Variants in PLAG1 observed in about 807,000 individuals in gnomAD.
PLAG1 encodes the protein zinc finger protein PLAG1.
A neutral mutation model predicts 35.5 loss-of-function variants in PLAG1; 7 were observed. The ratio of observed to expected loss-of-function variants is 0.20; its 90% CI spans 0.11 to 0.37. PLAG1 has a LOEUF of 0.37. Ranked by LOEUF, PLAG1 falls within the 10% of genes least tolerant of loss-of-function variation. The pLI is 1.00. For synonymous variants in PLAG1, 229 were observed against 225.4 expected (o/e 1.02, Z -0.14); for missense variants, 454 against 602.8 (o/e 0.75, Z 2.58).
At chr8:56,171,824 T>C (rs1301974889) in intron 2 of PLAG1, among the ~76,000 whole-genome samples, 1 of 152,206 alleles carries the variant, frequency 6.6e-6, no homozygotes, top group East Asian at 1.9e-4. Context: ...AAAGGGGTGT[T>C]AGGAAGAGAG....
intron 1 of PLAG1, among the ~76,000 whole-genome samples, chr8:56,196,867 T>C (rs898414098): frequency 1.3e-5 from 2 of 152,058 alleles, no homozygotes; most frequent in Non-Finnish European, 2.9e-5. Flanking sequence ...TGCATGTGTG[T>C]GCACACATGT....
Position 56,168,329 on chromosome 8 carries a change from A to T in PLAG1, c.-60T>A. 1.3e-6 allele frequency: 2 copies of T among 1,499,520 alleles called. No individual in the cohort carries two copies. Among genetic ancestry groups the T allele is most frequent in the Non-Finnish European group, 1.8e-6 (2 of 1,120,922 alleles). 92.9% of individuals were successfully genotyped at this position (1,499,520 alleles called of 1,614,324 possible). ...GGGAACTGCCCAACTCCACTAAATG[A>T]TATAGCTTTAGGTGGCTTCTCAAGT... On this transcript the variant is annotated 5_prime_UTR_variant, in exon 4 of 5. Coordinates refer to ENST00000316981, the MANE Select transcript of PLAG1 (RefSeq NM_002655.3).
chr8:56,167,653 T>C lies in PLAG1; in HGVS notation c.243-150A>G. 1.6e-6 allele frequency: 1 copy of C among 626,572 alleles called. No individual in the cohort carries two copies. Among genetic ancestry groups the C allele is most frequent in the South Asian group, 2.1e-5 (1 of 47,168 alleles). 38.8% of individuals were successfully genotyped at this position (626,572 alleles called of 1,614,324 possible). Reference sequence around the variant, plus strand: ...TAATATATACCACGAGGATAGTTAATATACCTAATTACTGCAAAACTTGAG... The same window carrying C: ...TAATATATACCACGAGGATAGTTAACATACCTAATTACTGCAAAACTTGAG... On this transcript the variant is annotated intron_variant, in intron 4 of 4. Transcript: ENST00000316981. The surrounding 1 kb of genome is among the most constrained non-coding windows in gnomAD (Gnocchi z 5.9).
In PLAG1 at chr8:56,166,391, G is replaced by C. The variant is rs765836089; in HGVS notation, c.1355C>G (p.Ser452Cys). ...TGTTTGTGGGGGGAGCTGGGAAACA[G>C]AAGAATGTGCTTCTTCCTGGGAATA... is the stretch of plus-strand genomic sequence containing the variant. ...MSYSQEEAHS[S>C]VSQLPPQTQD... The change falls in exon 5 of 5, where the codon TCT becomes TGT. Residue 452 changes from serine (S) to cysteine (C), a missense_variant. Around this residue, in one of 4 missense-constraint regions of PLAG1, gnomAD observed 271 missense variants for 315.6 expected, o/e 0.86. Transcript: ENST00000316981. The C allele has an allele frequency of 6.2e-7, 1 of 1,613,886 alleles. No homozygotes were observed. The highest frequency in any genetic ancestry group is 8.5e-7 in the Non-Finnish European group (1 of 1,179,880).
At chr8:56,190,514 A>T (rs1339695627) in intron 1 of PLAG1, among the ~76,000 whole-genome samples, 2 of 152,138 alleles carry the variant, frequency 1.3e-5, no homozygotes, top group African/African-American at 2.4e-5. Context: ...TACTTTGGGG[A>T]ACCAGAATGG....
intron 1 of PLAG1, among the ~76,000 whole-genome samples, chr8:56,183,256 C>A (rs1432856847): frequency 6.6e-6 from 1 of 151,912 alleles, no homozygotes; most frequent in Non-Finnish European, 1.5e-5. Context: ...ATATGTTGAC[C>A]TGATAATTCA....
chr8:56,163,147 G>A lies in PLAG1; in HGVS notation c.*3096C>T, dbSNP rs926454245. 3 of 190,412 alleles carry A rather than the reference G, an allele frequency of 1.6e-5. No homozygotes were observed. Among genetic ancestry groups the A allele is most frequent in the Non-Finnish European group, 3.3e-5 (3 of 92,288 alleles). 11.8% of individuals were successfully genotyped at this position (190,412 alleles called of 1,614,324 possible). ...TGTACATACATGTGGAAGTGAAACT[G>A]AATGAGGTTCAATATCTTGTCTGAG... On this transcript the variant is annotated 3_prime_UTR_variant, in exon 5 of 5. Transcript: ENST00000316981.
At chr8:56,176,063 T>TG (rs397780128) in intron 2 of PLAG1, among the ~76,000 whole-genome samples, 7 of 150,236 alleles carry the variant, frequency 4.7e-5, no homozygotes, top group Admixed American at 1.3e-4. Flanking sequence ...TTTTTTTTTT[T>TG]GAGACAGGGT....
intron 1 of PLAG1, among the ~76,000 whole-genome samples, chr8:56,188,752 A>C (rs562870977): frequency 6.6e-6 from 1 of 152,236 alleles, no homozygotes; most frequent in Non-Finnish European, 1.5e-5. Flanking sequence ...AGAAGAACAC[A>C]GTCGATTCTT....
chr8:56,201,229 C>A (rs1326397463), intron 1 of PLAG1, among the ~76,000 whole-genome samples: 1 of 152,134 alleles, frequency 6.6e-6, no homozygotes, highest in African/African-American at 2.4e-5. Context: ...TAAAATTAAC[C>A]AAGCTAAGCA....
rs10534078 is a variant in PLAG1 at position 56,196,951 on chromosome 8, CGTGT to C, written c.-322+14166_-322+14169del. Among the ~76,000 whole-genome samples, 151 of 143,054 alleles carry C rather than the reference CGTGT, an allele frequency of 1.1e-3. 1 individual carries two copies. Among genetic ancestry groups the C allele is most frequent in the South Asian group, 2.5e-3 (11 of 4,346 alleles). 93.8% of individuals were successfully genotyped at this position (143,054 alleles called of 152,430 possible). A position where few individuals can be genotyped will look rare whatever the true frequency, so the allele number is the denominator to read the frequency against. On this transcript the variant is annotated intron_variant, in intron 1 of 4. Coordinates refer to ENST00000316981, the MANE Select transcript of PLAG1 (RefSeq NM_002655.3). ...AGGCACCCTCTCCCTCCCTAGTGTG[CGTGT>C]GTGTGTGTGTGTGTGTGTGTGTGTG...
Position 56,166,165 on chromosome 8 carries a change from A to G in PLAG1, c.*78T>C, listed in dbSNP as rs1563371908. The G allele has an allele frequency of 9.9e-7, 1 of 1,008,760 alleles. No individual in the cohort carries two copies. Among genetic ancestry groups the G allele is most frequent in the Non-Finnish European group, 1.5e-6 (1 of 685,508 alleles). The allele number at this position is 1,008,760 out of a possible 1,614,324, so 62.5% of individuals were successfully genotyped here. A position where few individuals can be genotyped will look rare whatever the true frequency, so the allele number is the denominator to read the frequency against. ...AGCAGAAATTTTTATACTGTTTTAA[A>G]GTAGGCACTAAAATAAAAATGGTCA... On this transcript the variant is annotated 3_prime_UTR_variant, in exon 5 of 5. Transcript: ENST00000316981.
At position 56,165,757 on chromosome 8, in the gene PLAG1, T is replaced by A. The variant is rs1811335049; in HGVS notation, c.*486A>T. The A allele has an allele frequency of 5.1e-6, 1 of 195,336 alleles. No individual in the cohort carries two copies. Among genetic ancestry groups the A allele is most frequent in the Non-Finnish European group, 1.1e-5 (1 of 94,002 alleles). The allele number at this position is 195,336 out of a possible 1,614,324, so 12.1% of individuals were successfully genotyped here. Reference sequence around the variant, plus strand: ...TTATCTTCCGAAACTGGACTCTTAATTCATTTGAAGCACTTGATTATTAAT... The same window carrying A: ...TTATCTTCCGAAACTGGACTCTTAAATCATTTGAAGCACTTGATTATTAAT... On this transcript the variant is annotated 3_prime_UTR_variant, in exon 5 of 5. Coordinates refer to ENST00000316981, the MANE Select transcript of PLAG1 (RefSeq NM_002655.3).
At chr8:56,185,652 G>C (rs1396099853) in intron 1 of PLAG1, among the ~76,000 whole-genome samples, 1 of 152,166 alleles carries the variant, frequency 6.6e-6, no homozygotes, top group African/African-American at 2.4e-5. Flanking sequence ...AGGTTTTAGA[G>C]CCACATTCTC....
intron 1 of PLAG1, among the ~76,000 whole-genome samples, chr8:56,195,801 G>A (rs981413534): frequency 6.6e-6 from 1 of 152,126 alleles, no homozygotes; most frequent in African/African-American, 2.4e-5. Flanking sequence ...GGGGGCCAGC[G>A]CCCAGGGAAC....
rs374803048 is a variant in PLAG1 at position 56,167,218 on chromosome 8, C to T, written c.528G>A (p.Ser176=). 3.2e-5 allele frequency: 51 copies of T among 1,613,946 alleles called. No homozygotes were observed. Among genetic ancestry groups the T allele is most frequent in the Non-Finnish European group, 4.0e-5 (47 of 1,180,014 alleles). The change falls in exon 5 of 5, where the codon TCG becomes TCA. Residue 176 remains serine (S), a synonymous_variant. Transcript: ENST00000316981. This position sits in a 1 kb window ranked among gnomAD's most constrained non-coding sequence, Gnocchi z 5.9. ...LEHLKSHAGK[S]SGGVKEKKHQ... ...GCTTTTTTTCTTTAACCCCACCAGA[C>T]GACTTGCCTGCATGAGATTTAAGGT...
At chr8:56,197,486 G>A (rs1406601944) in intron 1 of PLAG1, among the ~76,000 whole-genome samples, 1 of 152,212 alleles carries the variant, frequency 6.6e-6, no homozygotes, top group Non-Finnish European at 1.5e-5. Context: ...CAGAGTCAGA[G>A]TTGCTGGTGC....
In PLAG1 at chr8:56,168,114, G is replaced by A. The variant is rs376023711; in HGVS notation, c.156C>T (p.His52=). The change falls in exon 4 of 5, where the codon CAC becomes CAT. Residue 52 remains histidine (H), a synonymous_variant. Transcript: ENST00000316981. ...AFNSVEKLKV[H]SYSHTGERPY... ...GCCTCTCTCCTGTGTGAGAGTAGGA[G>A]TGAACCTTTAATTTCTCAACACTGT... 1 of 1,613,386 alleles carries A rather than the reference G, an allele frequency of 6.2e-7. No homozygotes were observed. The highest frequency in any genetic ancestry group is 1.3e-5 in the African/African-American group (1 of 75,038).
At chr8:56,188,668 T>C (rs1266194686) in intron 1 of PLAG1, among the ~76,000 whole-genome samples, 2 of 152,254 alleles carry the variant, frequency 1.3e-5, no homozygotes, top group African/African-American at 2.4e-5. Context: ...GAGTATGTAC[T>C]TTCTCATGTA....
Sources: gnomAD v4.1 joint callset for allele counts (sites outside exome capture counted in the v4.1 genomes callset) on GRCh38, gnomAD v4.1.1 for gene constraint, gnomAD v4.1.1 regional missense constraint, Gnocchi (gnomAD v3.1) non-coding constraint, MANE v1.5 for transcripts, NCBI Gene and HGNC (gene_info 2026-07-23, HGNC 2026-07-21) for gene names.